Variants in NT5DC1 observed in about 807,000 individuals in gnomAD.
The protein encoded by NT5DC1 is 5'-nucleotidase domain containing 1.
In NT5DC1, 42 loss-of-function variants were observed where a neutral mutation model predicts 59.4. The ratio of observed to expected loss-of-function variants is 0.71; its 90% CI spans 0.55 to 0.92. The LOEUF (loss-of-function observed/expected upper bound fraction) is 0.92, where lower values mean the gene tolerates loss of function less well. NT5DC1 is among the 40% of genes least tolerant of loss of function. NT5DC1 has a pLI of 0.00. For synonymous variants in NT5DC1, 172 were observed against 188.1 expected, an observed-to-expected ratio of 0.91 and a Z score of 0.70; for missense variants, 501 against 537.1, an observed-to-expected ratio of 0.93 and a Z score of 0.66.
At chr6:116,196,174 A>AT (rs1360484819) in intron 6 of NT5DC1, among the ~76,000 whole-genome samples, 1 of 152,034 alleles carries the variant, frequency 6.6e-6, no homozygotes. Flanking sequence ...CTCCTACTCC[A>AT]TAAGCATCTA....
intron 6 of NT5DC1, among the ~76,000 whole-genome samples, chr6:116,218,826 A>G (rs1781737720): frequency 6.7e-6 from 1 of 148,992 alleles, no homozygotes; most frequent in African/African-American, 2.6e-5. Context: ...TGGTCTGGTT[A>G]TGATATTCAT....
intron 6 of NT5DC1, among the ~76,000 whole-genome samples, chr6:116,212,318 T>C (rs1781597296): frequency 6.6e-6 from 1 of 152,072 alleles, no homozygotes; most frequent in African/African-American, 2.4e-5. Flanking sequence ...AACAGAGTAG[T>C]GCCTCATTAA....
chr6:116,153,156 A>G (rs1780091902), intron 6 of NT5DC1, among the ~76,000 whole-genome samples: 2 of 152,000 alleles, frequency 1.3e-5, no homozygotes, highest in African/African-American at 2.4e-5. Context: ...CACACATACT[A>G]CAAATATACA....
chr6:116,230,650 T>C (rs924223579), intron 8 of NT5DC1, among the ~76,000 whole-genome samples: 1 of 152,204 alleles, frequency 6.6e-6, no homozygotes, highest in African/African-American at 2.4e-5. Context: ...CTCCCTTTCC[T>C]CTCTGGTGAC....
chr6:116,122,035 A>G (rs1484865085), intron 6 of NT5DC1: 15 of 1,291,140 alleles, frequency 1.2e-5, no homozygotes, highest in Non-Finnish European at 1.7e-5. Flanking sequence ...ATTGCCTTTC[A>G]AACTATGAAT....
chr6:116,216,894 G>A (rs974224657), intron 6 of NT5DC1, among the ~76,000 whole-genome samples: 6 of 152,040 alleles, frequency 3.9e-5, no homozygotes, highest in African/African-American at 9.7e-5. Context: ...GTTCACTAGC[G>A]TGCTCTTATA....
chr6:116,234,967 A>G (rs1782087759), intron 8 of NT5DC1, among the ~76,000 whole-genome samples: 1 of 150,926 alleles, frequency 6.6e-6, no homozygotes, highest in South Asian at 2.1e-4. Flanking sequence ...CCTCCAGTAT[A>G]GGGGCTGGAA....
intron 6 of NT5DC1, among the ~76,000 whole-genome samples, chr6:116,196,095 T>C (rs1160971937): frequency 1.3e-5 from 2 of 152,046 alleles, no homozygotes; most frequent in African/African-American, 2.4e-5. Flanking sequence ...CATTCTGTTA[T>C]TTCCTGACAT....
At chr6:116,167,589 G>A (rs932661385) in intron 6 of NT5DC1, among the ~76,000 whole-genome samples, 3 of 152,074 alleles carry the variant, frequency 2.0e-5, no homozygotes, top group Non-Finnish European at 4.4e-5. Flanking sequence ...TGATAAAATT[G>A]CAATATTTTA....
chr6:116,137,756 T>C (rs1779648411), intron 6 of NT5DC1, among the ~76,000 whole-genome samples: 1 of 152,184 alleles, frequency 6.6e-6, no homozygotes, highest in East Asian at 1.9e-4. Context: ...GGAAAACCAG[T>C]TATCTTTTAG....
At chr6:116,159,859 T>C (rs1780287757) in intron 6 of NT5DC1, among the ~76,000 whole-genome samples, 1 of 152,208 alleles carries the variant, frequency 6.6e-6, no homozygotes, top group Non-Finnish European at 1.5e-5. Flanking sequence ...TGTGAGAACA[T>C]GCGATATTTG....
intron 6 of NT5DC1, among the ~76,000 whole-genome samples, chr6:116,185,949 G>A (rs1274339945): frequency 6.6e-6 from 1 of 151,784 alleles, no homozygotes; most frequent in African/African-American, 2.4e-5. Flanking sequence ...TCATTGTATT[G>A]TTGTTTTATA....
chr6:116,172,652 ATTGT>A (rs1211649052), intron 6 of NT5DC1, among the ~76,000 whole-genome samples: 3 of 152,154 alleles, frequency 2.0e-5, no homozygotes, highest in Non-Finnish European at 4.4e-5. Flanking sequence ...TTGTAAGGAA[ATTGT>A]TTATGTTTTC....
chr6:116,183,251 T>C (rs1209044730), intron 6 of NT5DC1, among the ~76,000 whole-genome samples: 7 of 152,010 alleles, frequency 4.6e-5, no homozygotes, highest in African/African-American at 7.2e-5. Flanking sequence ...TTTTATACCA[T>C]TACTGTGCTG....
intron 6 of NT5DC1, among the ~76,000 whole-genome samples, chr6:116,174,094 A>G (rs1436134696): frequency 6.6e-6 from 1 of 152,228 alleles, no homozygotes; most frequent in East Asian, 1.9e-4. Flanking sequence ...GAAGTGAAGA[A>G]CTAGTTTTAT....
chr6:116,147,918 G>A (rs1237045188), intron 6 of NT5DC1, among the ~76,000 whole-genome samples: 3 of 152,010 alleles, frequency 2.0e-5, no homozygotes, highest in South Asian at 4.2e-4. Context: ...CCTGGGAGGC[G>A]GAGGTTGCAG....
rs1325702074 is a variant in NT5DC1, at chr6:116,249,304, A to G, written c.*5280A>G. ...ATTAAGTTTCTAACTCAAATGAGAA[A>G]TTTTGGGCCATTTTTGTCAAATTTT... On this transcript the variant is annotated 3_prime_UTR_variant, in exon 12 of 12. Coordinates refer to ENST00000319550, the MANE Select transcript of NT5DC1 (RefSeq NM_152729.3). The G allele has an allele frequency of 6.6e-6, 1 of 152,222 alleles. No individual in the cohort carries two copies. Among genetic ancestry groups the G allele is most frequent in the African/African-American group, 2.4e-5 (1 of 41,460 alleles). The allele number at this position is 152,222 out of a possible 1,614,324, so 9.4% of individuals were successfully genotyped here.
At chr6:116,124,684 C>G (rs1240801851) in intron 6 of NT5DC1, among the ~76,000 whole-genome samples, 2 of 152,184 alleles carry the variant, frequency 1.3e-5, no homozygotes, top group African/African-American at 4.8e-5. Flanking sequence ...AATGAGGAAA[C>G]TAAGGCATGG....
At chr6:116,236,799 A>G (rs946463441) in intron 8 of NT5DC1, among the ~76,000 whole-genome samples, 167 bp from the exon 9 acceptor site, 5 of 152,180 alleles carry the variant, frequency 3.3e-5, no homozygotes, top group African/African-American at 7.2e-5. Context: ...ATTAAAAAGT[A>G]TATACCTATA....
Sources: allele counts gnomAD v4.1 joint callset (sites outside exome capture counted in the v4.1 genomes callset), GRCh38; gene constraint gnomAD v4.1.1; transcripts MANE v1.5; gene names NCBI Gene and HGNC (gene_info 2026-07-23, HGNC 2026-07-21).